LHFPL3: variants seen among roughly 807,000 people sequenced by gnomAD.
The protein encoded by LHFPL3 is LHFPL tetraspan subfamily member 3, also known as LHFPL tetraspan subfamily member 3 protein.
Under a neutral mutation model 19.3 loss-of-function variants are expected in LHFPL3, and 5 were observed. That is an observed-to-expected ratio of 0.26 (90% CI 0.14 to 0.54). The LOEUF (loss-of-function observed/expected upper bound fraction) is 0.54. Ranked by LOEUF, LHFPL3 falls within the 20% of genes least tolerant of loss-of-function variation. The pLI, the probability that LHFPL3 is intolerant of heterozygous loss-of-function variation, is 0.94. For synonymous variants in LHFPL3, 133 were observed against 126.2 expected (o/e 1.05, Z -0.36); for missense variants, 249 against 307.4 (o/e 0.81, Z 1.42).
At chr7:104,441,093 T>C (rs1792216203) in intron 1 of LHFPL3, among the ~76,000 whole-genome samples, 1 of 152,178 alleles carries the variant, frequency 6.6e-6, no homozygotes, top group African/African-American at 2.4e-5. Context: ...AAGTTCATTA[T>C]ACCATAGTGT....
chr7:104,559,555 G>C (rs1196023791), intron 1 of LHFPL3, among the ~76,000 whole-genome samples: 3 of 151,704 alleles, frequency 2.0e-5, no homozygotes, highest in African/African-American at 7.3e-5. Context: ...TGCTGAAGTT[G>C]CTTATCAGCT....
At chr7:104,804,596 A>G (rs2116486106) in intron 2 of LHFPL3, among the ~76,000 whole-genome samples, 1 of 152,264 alleles carries the variant, frequency 6.6e-6, no homozygotes, top group South Asian at 2.1e-4. Flanking sequence ...TCTTCCTACC[A>G]AACTCTCTCT....
At chr7:104,770,927 G>C (rs1794539751) in intron 2 of LHFPL3, among the ~76,000 whole-genome samples, 1 of 152,138 alleles carries the variant, frequency 6.6e-6, no homozygotes, top group Non-Finnish European at 1.5e-5. Flanking sequence ...TAGCATGTCA[G>C]TTTTTTAAGT....
chr7:104,478,305 G>T (rs781525809), intron 1 of LHFPL3, among the ~76,000 whole-genome samples: 2 of 152,110 alleles, frequency 1.3e-5, no homozygotes, highest in African/African-American at 2.4e-5. Context: ...TGGTCTGCCA[G>T]TTTCTGGGTC....
intron 2 of LHFPL3, among the ~76,000 whole-genome samples, chr7:104,897,275 C>A (rs1313940866): frequency 1.3e-5 from 2 of 152,120 alleles, no homozygotes; most frequent in African/African-American, 4.8e-5. Context: ...TTGGTTACTT[C>A]TCTCACAGGG....
chr7:104,468,441 C>T (rs754687730), intron 1 of LHFPL3, among the ~76,000 whole-genome samples: 1 of 152,146 alleles, frequency 6.6e-6, no homozygotes, highest in Non-Finnish European at 1.5e-5. Flanking sequence ...GTTGTCAGGT[C>T]ATTCCAAGGT....
chr7:104,421,153 G>A (rs910810115), intron 1 of LHFPL3, among the ~76,000 whole-genome samples: 6 of 152,214 alleles, frequency 3.9e-5, no homozygotes, highest in Non-Finnish European at 8.8e-5. Flanking sequence ...TCCTGGAGGT[G>A]TTGAGAAAGG....
chr7:104,779,175 T>G (rs1794679482), intron 2 of LHFPL3, among the ~76,000 whole-genome samples: 1 of 152,214 alleles, frequency 6.6e-6, no homozygotes, highest in African/African-American at 2.4e-5. Flanking sequence ...TTTCTTTATC[T>G]ATTGAACGGG....
chr7:104,724,541 A>T (rs1392668117), intron 1 of LHFPL3, among the ~76,000 whole-genome samples: 1 of 152,214 alleles, frequency 6.6e-6, no homozygotes, highest in African/African-American at 2.4e-5. Context: ...CTTTCACTTT[A>T]AGAAAACTAA....
chr7:104,555,911 A>G (rs1272770279), intron 1 of LHFPL3, among the ~76,000 whole-genome samples: 1 of 152,236 alleles, frequency 6.6e-6, no homozygotes, highest in South Asian at 2.1e-4. Flanking sequence ...TGACCAAAAC[A>G]AAGGGGCTAC....
intron 1 of LHFPL3, among the ~76,000 whole-genome samples, chr7:104,689,558 T>A (rs1374370815): frequency 2.0e-5 from 3 of 152,202 alleles, no homozygotes; most frequent in African/African-American, 7.2e-5. Flanking sequence ...GAGGGGACAC[T>A]GGGTCCCCTT....
chr7:104,566,379 C>A (rs991637240), intron 1 of LHFPL3, among the ~76,000 whole-genome samples: 1 of 152,096 alleles, frequency 6.6e-6, no homozygotes, highest in African/African-American at 2.4e-5. Flanking sequence ...CTTCTTCCTA[C>A]ACATCTCACC....
At chr7:104,582,789 A>G (rs895630448) in intron 1 of LHFPL3, among the ~76,000 whole-genome samples, 1 of 151,900 alleles carries the variant, frequency 6.6e-6, no homozygotes, top group Admixed American at 6.6e-5. Context: ...AAAAAACCCA[A>G]TATGGTTATA....
At chr7:104,471,128 A>G (rs1347523515) in intron 1 of LHFPL3, among the ~76,000 whole-genome samples, 2 of 152,218 alleles carry the variant, frequency 1.3e-5, no homozygotes, top group Non-Finnish European at 2.9e-5. Flanking sequence ...AATACATGAA[A>G]AAGACAAACA....
intron 1 of LHFPL3, among the ~76,000 whole-genome samples, chr7:104,443,888 G>C (rs1421885014): frequency 6.6e-6 from 1 of 152,216 alleles, no homozygotes; most frequent in African/African-American, 2.4e-5. Flanking sequence ...GAGCACAACA[G>C]AAATTATAGT....
At chr7:104,756,250 T>C (rs1301407121) in intron 2 of LHFPL3, among the ~76,000 whole-genome samples, 1 of 152,192 alleles carries the variant, frequency 6.6e-6, no homozygotes, top group Non-Finnish European at 1.5e-5. Flanking sequence ...GTTCCTAATT[T>C]TTAACTAGAC....
chr7:104,654,054 G>C, intron 1 of LHFPL3, among the ~76,000 whole-genome samples: 1 of 152,186 alleles, frequency 6.6e-6, no homozygotes, highest in East Asian at 1.9e-4. Flanking sequence ...TTCACTCCAT[G>C]CCAAGAAATT....
intron 1 of LHFPL3, among the ~76,000 whole-genome samples, chr7:104,628,042 A>T (rs1791578215): frequency 6.6e-6 from 1 of 152,172 alleles, no homozygotes; most frequent in East Asian, 1.9e-4. Context: ...GGCTCTTTTC[A>T]TGTTGGAGCA....
At chr7:104,545,755 G>C (rs140657650) in intron 1 of LHFPL3, among the ~76,000 whole-genome samples, 5 of 152,082 alleles carry the variant, frequency 3.3e-5, no homozygotes, top group African/African-American at 4.8e-5. Context: ...TCCTTCAAAG[G>C]CTCCCATAAT....
Sources: gnomAD v4.1 joint callset for allele counts (sites outside exome capture counted in the v4.1 genomes callset) on GRCh38, gnomAD v4.1.1 for gene constraint, MANE v1.5 for transcripts, NCBI Gene and HGNC (gene_info 2026-07-23, HGNC 2026-07-21) for gene names.